Variants in CDH12 observed in about 807,000 individuals in gnomAD.
The protein encoded by CDH12 is cadherin 12.
CDH12 carries 41 observed loss-of-function variants against 74.1 expected under a neutral mutation model. That is an observed-to-expected ratio of 0.55 (90% CI 0.43 to 0.72). The LOEUF (loss-of-function observed/expected upper bound fraction) is 0.72, where lower values mean the gene tolerates loss of function less well. Among genes scored for constraint, CDH12 ranks in the 30% least tolerant of loss-of-function variants. The pLI, the probability that CDH12 is intolerant of heterozygous loss-of-function variation, is 0.00. For synonymous variants in CDH12, 399 were observed against 355.0 expected, an observed-to-expected ratio of 1.12 and a Z score of -1.39; for missense variants, 945 against 977.2, an observed-to-expected ratio of 0.97 and a Z score of 0.44.
intron 1 of CDH12, among the ~76,000 whole-genome samples, chr5:22,626,631 A>C (rs147425956): frequency 6.6e-6 from 1 of 152,328 alleles, no homozygotes; most frequent in Non-Finnish European, 1.5e-5. Flanking sequence ...AAGGAATAAC[A>C]GTCTATACAG....
chr5:22,807,116 G>A (rs1748858457), intron 1 of CDH12, among the ~76,000 whole-genome samples: 1 of 151,946 alleles, frequency 6.6e-6, no homozygotes, highest in African/African-American at 2.4e-5. Flanking sequence ...GCTTTTTCAA[G>A]ATATGTAAGA....
At chr5:22,643,901 T>C (rs1178626112) in intron 1 of CDH12, among the ~76,000 whole-genome samples, 1 of 152,006 alleles carries the variant, frequency 6.6e-6, no homozygotes, top group Admixed American at 6.6e-5. Context: ...TATGATATTA[T>C]CTATTATTGT....
chr5:22,324,831 A>G (rs1330703781), intron 3 of CDH12, among the ~76,000 whole-genome samples: 2 of 152,192 alleles, frequency 1.3e-5, no homozygotes, highest in Admixed American at 6.5e-5. Context: ...TGAGGTTTCC[A>G]TCACGCTAAT....
intron 1 of CDH12, among the ~76,000 whole-genome samples, chr5:22,600,767 A>G (rs113411770): frequency 1.9e-4 from 29 of 152,014 alleles, no homozygotes; most frequent in African/African-American, 6.5e-4. Context: ...TACATATATA[A>G]TCGAATGGAA....
intron 1 of CDH12, among the ~76,000 whole-genome samples, chr5:22,516,690 G>A (rs1404521572): frequency 6.6e-6 from 1 of 152,102 alleles, no homozygotes; most frequent in Admixed American, 6.6e-5. Flanking sequence ...AGCTACTAGC[G>A]AGACTGGAGT....
chr5:22,595,483 C>A, intron 1 of CDH12, among the ~76,000 whole-genome samples: 1 of 152,152 alleles, frequency 6.6e-6, no homozygotes, highest in Admixed American at 6.5e-5. Flanking sequence ...TTTACGTATT[C>A]ATTCATTCAA....
At chr5:21,797,660 T>C (rs1002486266) in intron 10 of CDH12, among the ~76,000 whole-genome samples, 1 of 152,154 alleles carries the variant, frequency 6.6e-6, no homozygotes, top group Admixed American at 6.6e-5. Context: ...AGATACTAGC[T>C]ACTGTGACAT....
chr5:22,383,702 T>G (rs569818363), intron 3 of CDH12, among the ~76,000 whole-genome samples: 15 of 152,322 alleles, frequency 9.8e-5, no homozygotes, highest in Admixed American at 2.0e-4. Flanking sequence ...TTTCTCTAAC[T>G]GGCATAAATC....
chr5:22,586,436 A>T (rs1183406998), intron 1 of CDH12, among the ~76,000 whole-genome samples: 1 of 151,756 alleles, frequency 6.6e-6, no homozygotes, highest in Non-Finnish European at 1.5e-5. Flanking sequence ...ATGTATACAT[A>T]TGTAACTAAC....
Position 22,448,321 on chromosome 5 carries a change from C to T in CDH12, c.-427-42970G>A, listed in dbSNP as rs138013481. Among the ~76,000 whole-genome samples the T allele has an allele frequency of 4.0e-3, 607 of 151,862 alleles. 7 individuals are homozygous for T. The highest frequency in any genetic ancestry group is 0.014 in the African/African-American group (576 of 41,468). Reference sequence around the variant, plus strand: ...AATATATCTTCAAGTTTTAACATCACTCGATGCAAAAAAAAAATATGCCAG... The same window carrying T: ...AATATATCTTCAAGTTTTAACATCATTCGATGCAAAAAAAAAATATGCCAG... On this transcript the variant is annotated intron_variant, in intron 2 of 14. Coordinates refer to ENST00000382254, the MANE Select transcript of CDH12 (RefSeq NM_004061.5).
intron 1 of CDH12, among the ~76,000 whole-genome samples, chr5:22,826,711 G>C (rs1433106836): frequency 6.6e-6 from 1 of 152,158 alleles, no homozygotes; most frequent in African/African-American, 2.4e-5. Flanking sequence ...AAAGAGACTG[G>C]TGGCATTTTG....
chr5:21,986,714 T>C (rs889252064), intron 5 of CDH12, among the ~76,000 whole-genome samples: 10 of 152,142 alleles, frequency 6.6e-5, no homozygotes, highest in African/African-American at 1.2e-4. Context: ...TATAAATGTA[T>C]ACGATTTAGT....
At chr5:21,930,186 A>T (rs78247141) in intron 6 of CDH12, among the ~76,000 whole-genome samples, 2,014 of 152,286 alleles carry the variant, frequency 0.013, 52 homozygotes, top group African/African-American at 0.046. Flanking sequence ...GAAAGTGATT[A>T]GTGCTTATGT....
intron 2 of CDH12, among the ~76,000 whole-genome samples, chr5:22,495,948 A>G (rs2126647889): frequency 6.6e-6 from 1 of 152,268 alleles, no homozygotes; most frequent in African/African-American, 2.4e-5. Flanking sequence ...AACCACTTAA[A>G]CTGGTTTCTT....
chr5:21,833,090 A>AT (rs1749199775), intron 8 of CDH12, among the ~76,000 whole-genome samples: 1 of 69,780 alleles, frequency 1.4e-5, no homozygotes, highest in Non-Finnish European at 2.6e-5. Context: ...TATATTATAA[A>AT]TATATATTAT....
chr5:22,818,980 T>C (rs898033344), intron 1 of CDH12, among the ~76,000 whole-genome samples: 3 of 152,126 alleles, frequency 2.0e-5, no homozygotes, highest in Non-Finnish European at 2.9e-5. Context: ...AAGGTAATTG[T>C]TTATCATCTA....
At position 22,408,846 on chromosome 5, in the gene CDH12, C is replaced by CA. The variant is rs1743053361; in HGVS notation, c.-427-3496_-427-3495insT. Among the ~76,000 whole-genome samples the CA allele has an allele frequency of 7.1e-5, 3 of 42,170 alleles. No homozygotes were observed. The South Asian group carries it at 1.9e-3, about 26-fold the overall frequency. 27.7% of individuals were successfully genotyped at this position (42,170 alleles called of 152,430 possible). A position where few individuals can be genotyped will look rare whatever the true frequency, so the allele number is the denominator to read the frequency against. ...TTCTTCTATCTTCATTTTATTTTCC[C>CA]CCATGATGGTGGACAATTTTGTTTC... On this transcript the variant is annotated intron_variant, in intron 2 of 14. Coordinates refer to ENST00000382254, the MANE Select transcript of CDH12 (RefSeq NM_004061.5).
chr5:22,308,229 G>T (rs1738213998), intron 3 of CDH12, among the ~76,000 whole-genome samples: 1 of 152,028 alleles, frequency 6.6e-6, no homozygotes, highest in Non-Finnish European at 1.5e-5. Flanking sequence ...GAGAGAAAGA[G>T]ATGTTTTCTA....
In CDH12 at chr5:22,571,219, G is replaced by T. The variant is rs531459630; in HGVS notation, c.-522-65855C>A. ...CAGTAGTACTTTTAATTTCCTCCGAGAACTTTTCCTTTGCATTTACAACTT... is the reference window on the plus strand; with the variant it reads ...CAGTAGTACTTTTAATTTCCTCCGATAACTTTTCCTTTGCATTTACAACTT... On this transcript the variant is annotated intron_variant, in intron 1 of 14. Transcript: ENST00000382254. Among the ~76,000 whole-genome samples, 4 of 152,118 alleles carry T rather than the reference G, an allele frequency of 2.6e-5. No homozygotes were observed. The East Asian group carries it at 5.8e-4, about 22-fold the overall frequency.
Sources: gnomAD v4.1 joint callset for allele counts (sites outside exome capture counted in the v4.1 genomes callset) on GRCh38, gnomAD v4.1.1 for gene constraint, MANE v1.5 for transcripts, NCBI Gene and HGNC (gene_info 2026-07-23, HGNC 2026-07-21) for gene names.